Variants in CAPN12 observed in about 807,000 individuals in gnomAD.
CAPN12 encodes calpain 12.
In CAPN12, 107 loss-of-function variants were observed where a neutral mutation model predicts 95.0. The observed-to-expected ratio is 1.13, with a 90% CI of 0.96 to 1.32. The LOEUF is 1.32. CAPN12 is among the 40% of genes most tolerant of loss of function. CAPN12 has a pLI of 0.00. For synonymous variants in CAPN12, 505 were observed against 415.5 expected (o/e 1.22, Z -2.62); for missense variants, 1,136 against 997.8 (o/e 1.14, Z -1.87).
At chr19:38,741,425 T>G (rs1970536755) in intron 4 of CAPN12, among the ~76,000 whole-genome samples, 1 of 151,898 alleles carries the variant, frequency 6.6e-6, no homozygotes, top group South Asian at 2.1e-4. Flanking sequence ...ATATAAAAAT[T>G]AGCCAGGCAT....
Position 38,731,152 on chromosome 19 carries a change from A to C in CAPN12, c.2029T>G (p.Phe677Val). ...GCCACACAGGACACGAACCGCTCGA[A>C]GTCCACACGCAGACGGCTATCCCGG... ...RYRDSRLRVD[F>V]ERFVSCVAHL... Residue 677 changes from phenylalanine (F) to valine (V), a missense_variant, in exon 19 of 21, where the codon TTC becomes GTC. By Grantham distance (50) the Phe-to-Val change is conservative (BLOSUM62 -1). Coordinates refer to ENST00000328867, the MANE Select transcript of CAPN12 (RefSeq NM_144691.4). The C allele has an allele frequency of 6.2e-7, 1 of 1,613,250 alleles. No individual in the cohort carries two copies.
intron 11 of CAPN12, 111 bp from the exon 12 acceptor site, chr19:38,736,429 C>T: frequency 1.3e-6 from 2 of 1,522,298 alleles, no homozygotes; most frequent in South Asian, 2.4e-5. Flanking sequence ...GCCTCCCCTG[C>T]CCCCGGACCC....
Position 38,734,180 on chromosome 19 carries a change from G to A in CAPN12, c.1840C>T (p.His614Tyr), listed in dbSNP as rs2145159200. The change falls in exon 17 of 21, where the codon CAC becomes TAC. Residue 614 changes from histidine to tyrosine, a missense_variant. Transcript: ENST00000328867. ...FGHGQSLALHHFQQLWGYLLE... is the reference protein window; with the variant it reads ...FGHGQSLALHYFQQLWGYLLE... ...AGGTAGCCCCAGAGCTGCTGGAAGTGGTGTAAGGCCAGGCTTTGCCCATGC... is the reference window on the plus strand; with the variant it reads ...AGGTAGCCCCAGAGCTGCTGGAAGTAGTGTAAGGCCAGGCTTTGCCCATGC... The A allele has an allele frequency of 5.0e-6, 8 of 1,613,042 alleles. No homozygotes were observed. The highest frequency in any genetic ancestry group is 6.8e-6 in the Non-Finnish European group (8 of 1,179,906).
Position 38,734,207 on chromosome 19 carries a change from G to A in CAPN12, c.1816-3C>T. 4 of 1,612,918 alleles carry A rather than the reference G, an allele frequency of 2.5e-6. No homozygotes were observed. The highest frequency in any genetic ancestry group is 3.4e-6 in the Non-Finnish European group (4 of 1,179,866). On this transcript the variant is annotated splice_region_variant and splice_polypyrimidine_tract_variant and intron_variant, in intron 16 of 20. Transcript: ENST00000328867. ...TGTAAGGCCAGGCTTTGCCCATGCTGTGTTGGGGGTCGGGGGCATCTGGTT... is the reference window on the plus strand; with the variant it reads ...TGTAAGGCCAGGCTTTGCCCATGCTATGTTGGGGGTCGGGGGCATCTGGTT...
At chr19:38,734,734 A>G in intron 15 of CAPN12, 79 bp downstream of exon 15, 1 of 1,360,630 alleles carries the variant, frequency 7.3e-7, no homozygotes, top group Admixed American at 1.9e-5. Flanking sequence ...GTGGGTTCAT[A>G]GACATAGGGT....
chr19:38,737,076 T>A (rs112197111), intron 10 of CAPN12, 80 bp downstream of exon 10: 157 of 238,978 alleles, frequency 6.6e-4, no homozygotes, highest in Middle Eastern at 1.5e-3. Context: ...CGCCCCTCCA[T>A]GCCTCCCCCG....
Position 38,730,621 on chromosome 19 carries a change from T to TCAAC in CAPN12, c.*227_*230dup. On this transcript the variant is annotated 3_prime_UTR_variant, in exon 21 of 21. Coordinates refer to ENST00000328867, the MANE Select transcript of CAPN12 (RefSeq NM_144691.4). ...GCAGAGCTAGCACTGTCTTAAGCTG[T>TCAAC]CAACGTGGACTAGCTCGTGTCATCT... 1.6e-6 allele frequency: 1 copy of TCAAC among 607,058 alleles called. No homozygotes were observed. Among genetic ancestry groups the TCAAC allele is most frequent in the South Asian group, 1.9e-5 (1 of 51,548 alleles). 37.6% of individuals were successfully genotyped at this position (607,058 alleles called of 1,614,324 possible). A position where few individuals can be genotyped will look rare whatever the true frequency, so the allele number is the denominator to read the frequency against.
chr19:38,737,323 C>A lies in CAPN12; in HGVS notation c.1195G>T (p.Asp399Tyr), dbSNP rs747169137. The A allele has an allele frequency of 6.4e-6, 10 of 1,558,798 alleles. No homozygotes were observed. In the South Asian group the frequency reaches 9.1e-5, roughly 14 times the overall value. Reference sequence around the variant, plus strand: ...CAGCCCCCCCAGGGCCCTTCCTCATCCTCGTCATCCTCCTCATCAGGCTCC... The same window carrying A: ...CAGCCCCCCCAGGGCCCTTCCTCATACTCGTCATCCTCCTCATCAGGCTCC... ...LLEPDEEDDEDEEGPWGGWGA... is the reference protein window; with the variant it reads ...LLEPDEEDDEYEEGPWGGWGA... The change falls in exon 10 of 21, where the codon GAT becomes TAT. Residue 399 changes from aspartate (D) to tyrosine (Y), a missense_variant. Coordinates refer to ENST00000328867, the MANE Select transcript of CAPN12 (RefSeq NM_144691.4).
chr19:38,736,503 GGGC>G, intron 11 of CAPN12, 46 bp downstream of exon 11: 1 of 1,541,008 alleles, frequency 6.5e-7, no homozygotes, highest in Non-Finnish European at 8.8e-7. Context: ...CCAAGCCCCA[GGGC>G]AGGTTGACCA....
chr19:38,731,004 C>G lies in CAPN12; in HGVS notation c.2094G>C (p.Leu698=). The G allele has an allele frequency of 6.4e-7, 1 of 1,552,424 alleles. No individual in the cohort carries two copies. Residue 698 remains leucine, a synonymous_variant, in exon 20 of 21, where the codon CTG becomes CTC. Coordinates refer to ENST00000328867, the MANE Select transcript of CAPN12 (RefSeq NM_144691.4). The part of the protein sequence containing the change: ...TCIFCHCSQH[L]DGGEGVICLT... ...GGCAGATGACCCCCTCACCCCCATC[C>G]AGGTGCTGGCTGCAGTGGCCTGTGC...
At chr19:38,733,848 A>C in intron 17 of CAPN12, 67 bp from the exon 18 acceptor site, 1 of 1,337,212 alleles carries the variant, frequency 7.5e-7, no homozygotes, top group South Asian at 1.2e-5. Context: ...GGGGCCTCCC[A>C]GGCAAGACAG....
rs1422462268 is a variant in CAPN12, at chr19:38,737,235, A to G, written c.1283T>C (p.Leu428Pro). ...CCGCCGGTTGCGCTGGATGAGGGAC[A>G]GAAGGACCGTGCACTTGGGCGTGCG... is the stretch of plus-strand genomic sequence containing the variant. ...GGRTPKCTVLLSLIQRNRRRL... is the reference protein window; with the variant it reads ...GGRTPKCTVLPSLIQRNRRRL... The change falls in exon 10 of 21, where the codon CTG becomes CCG. Residue 428 changes from leucine (L) to proline (P), a missense_variant. Leu to Pro is a moderately conservative substitution (Grantham distance 98). Coordinates refer to ENST00000328867, the MANE Select transcript of CAPN12 (RefSeq NM_144691.4). The G allele has an allele frequency of 3.9e-6, 6 of 1,550,694 alleles. No individual in the cohort carries two copies. The highest frequency in any genetic ancestry group is 2.0e-5 in the Admixed American group (1 of 51,236).
chr19:38,739,404 G>A (rs1433389060), intron 5 of CAPN12: 6 of 135,000 alleles, frequency 4.4e-5, no homozygotes, highest in Non-Finnish European at 7.7e-5. Flanking sequence ...AGCCAAGGTC[G>A]TGCCACTGCA....
At chr19:38,734,521 C>T (rs965716008) in intron 15 of CAPN12, 132 bp from the exon 16 acceptor site, 22 of 780,512 alleles carry the variant, frequency 2.8e-5, no homozygotes, top group Non-Finnish European at 4.0e-5. Flanking sequence ...GCACAGGGAG[C>T]CAGTGACTGC....
Position 38,740,423 on chromosome 19 carries a change from C to T in CAPN12, c.561-204G>A, listed in dbSNP as rs186104216. Among the ~76,000 whole-genome samples, 1,154 of 152,174 alleles carry T rather than the reference C, an allele frequency of 7.6e-3. 9 individuals are homozygous for T. The highest frequency in any genetic ancestry group is 0.012 in the Non-Finnish European group (834 of 67,994). On this transcript the variant is annotated intron_variant, in intron 4 of 20. Coordinates refer to ENST00000328867, the MANE Select transcript of CAPN12 (RefSeq NM_144691.4). ...TCATCTCACTGTAGCCTCAAACTCC[C>T]GGGTTCAAGCGATCCTCCTCCCACC...
At chr19:38,741,488 G>A (rs547545961) in intron 4 of CAPN12, among the ~76,000 whole-genome samples, 4 of 152,076 alleles carry the variant, frequency 2.6e-5, no homozygotes, top group South Asian at 4.1e-4. Context: ...CAGGAGAATC[G>A]CTGGAACCTG....
chr19:38,741,572 G>A (rs1257816373), intron 4 of CAPN12, among the ~76,000 whole-genome samples: 3 of 148,476 alleles, frequency 2.0e-5, no homozygotes, highest in Non-Finnish European at 4.5e-5. Context: ...GTGAGACTCC[G>A]TCTCAAAAAA....
rs750297071 is a variant in CAPN12 at position 38,736,512 on chromosome 19, G to A, written c.1374+40C>T. 11 of 1,592,374 alleles carry A rather than the reference G, an allele frequency of 6.9e-6. No homozygotes were observed. The East Asian group carries it at 2.6e-4, about 37-fold the overall frequency. ...GGTTGACCAAGCCCCAGGGCAGGTTGACCAAGCCCCAGGGCCGGTTGACCC... is the reference window on the plus strand; with the variant it reads ...GGTTGACCAAGCCCCAGGGCAGGTTAACCAAGCCCCAGGGCCGGTTGACCC... On this transcript the variant is annotated intron_variant, in intron 11 of 20. Coordinates refer to ENST00000328867, the MANE Select transcript of CAPN12 (RefSeq NM_144691.4).
intron 12 of CAPN12, 93 bp from the exon 13 acceptor site, chr19:38,735,637 T>C: frequency 4.8e-6 from 6 of 1,247,502 alleles, no homozygotes. Context: ...GCGTGGGGTC[T>C]AGGTAGGGAC....
Sources: allele counts gnomAD v4.1 joint callset (sites outside exome capture counted in the v4.1 genomes callset), GRCh38; gene constraint gnomAD v4.1.1; transcripts MANE v1.5; gene names NCBI Gene and HGNC (gene_info 2026-07-23, HGNC 2026-07-21).